SNTG1: variants seen among roughly 807,000 people sequenced by gnomAD.
SNTG1 encodes syntrophin gamma 1.
SNTG1 carries 39 observed loss-of-function variants against 74.7 expected under a neutral mutation model. That is an observed-to-expected ratio of 0.52 (90% confidence interval 0.40 to 0.68). The LOEUF (loss-of-function observed/expected upper bound fraction) is 0.68. Among genes scored for constraint, SNTG1 ranks in the 30% least tolerant of loss-of-function variants. SNTG1 has a pLI of 0.00. For missense variants in SNTG1, 685 were observed against 609.5 expected, an observed-to-expected ratio of 1.12 and a Z score of -1.30; for synonymous variants, 254 against 217.1, an observed-to-expected ratio of 1.17 and a Z score of -1.49.
chr8:50,483,728 C>T (rs769791855), intron 8 of SNTG1, among the ~76,000 whole-genome samples: 13 of 152,096 alleles, frequency 8.5e-5, no homozygotes, highest in Admixed American at 5.2e-4. Flanking sequence ...TGTGATAATA[C>T]GCATAAACAA....
At chr8:50,684,043 A>G (rs2095341924) in intron 15 of SNTG1, among the ~76,000 whole-genome samples, 1 of 152,222 alleles carries the variant, frequency 6.6e-6, no homozygotes, top group South Asian at 2.1e-4. Flanking sequence ...ATTAAAGATT[A>G]AGAACTGTAA....
chr8:50,072,512 C>T (rs1269095887), intron 1 of SNTG1, among the ~76,000 whole-genome samples: 2 of 152,118 alleles, frequency 1.3e-5, no homozygotes, highest in African/African-American at 4.8e-5. Context: ...AATAGAAATC[C>T]AAGCATCTTC....
chr8:49,916,127 C>T (rs1400254836), intron 1 of SNTG1, among the ~76,000 whole-genome samples: 2 of 151,878 alleles, frequency 1.3e-5, no homozygotes, highest in Non-Finnish European at 2.9e-5. Flanking sequence ...TATATAATTG[C>T]ACCAGCGATA....
chr8:50,681,905 C>T (rs2095332391), intron 15 of SNTG1, among the ~76,000 whole-genome samples: 1 of 152,146 alleles, frequency 6.6e-6, no homozygotes, highest in Non-Finnish European at 1.5e-5. Context: ...TCTGCAGACA[C>T]ACACCTCAGT....
intron 17 of SNTG1, among the ~76,000 whole-genome samples, chr8:50,731,382 TA>T (rs1251524371): frequency 2.6e-5 from 4 of 152,128 alleles, no homozygotes; most frequent in Admixed American, 1.3e-4. Flanking sequence ...CAAATTGGCA[TA>T]TTTTTTTGAG....
At chr8:50,322,821 A>G (rs192314519) in intron 2 of SNTG1, among the ~76,000 whole-genome samples, 31 of 152,048 alleles carry the variant, frequency 2.0e-4, no homozygotes, top group Admixed American at 2.0e-3. Flanking sequence ...TCTGCTATTA[A>G]GATACTTTGC....
intron 13 of SNTG1, among the ~76,000 whole-genome samples, chr8:50,636,959 C>T (rs2095043086): frequency 6.6e-6 from 1 of 152,132 alleles, no homozygotes; most frequent in South Asian, 2.1e-4. Context: ...AACTTCCCTC[C>T]ATAGCATAAT....
Position 50,714,286 on chromosome 8 carries a change from T to C in SNTG1, c.1284+5308T>C, listed in dbSNP as rs553610146. 2.0e-5 allele frequency among the ~76,000 whole-genome samples: 3 copies of C among 152,214 alleles called. No homozygotes were observed. The South Asian group carries it at 6.2e-4, about 32-fold the overall frequency. On this transcript the variant is annotated intron_variant, in intron 17 of 18. Coordinates refer to ENST00000642720, the MANE Select transcript of SNTG1 (RefSeq NM_018967.5). ...AGGTAGCACGATGCCTCCAGCTTTG[T>C]TCTTTTTGGTTAGGATTGTCTTGGC...
intron 2 of SNTG1, among the ~76,000 whole-genome samples, chr8:50,296,147 T>C (rs1198208673): frequency 2.0e-5 from 3 of 152,092 alleles, no homozygotes. Flanking sequence ...CACTAGGTAA[T>C]GGAAAGACTG....
At chr8:50,564,172 A>G (rs2094503389) in intron 12 of SNTG1, among the ~76,000 whole-genome samples, 1 of 151,642 alleles carries the variant, frequency 6.6e-6, no homozygotes, top group South Asian at 2.1e-4. Flanking sequence ...TCTCTCTGAC[A>G]TGTCATCCAA....
At chr8:50,070,161 T>C (rs1821240369) in intron 1 of SNTG1, among the ~76,000 whole-genome samples, 2 of 152,150 alleles carry the variant, frequency 1.3e-5, no homozygotes, top group African/African-American at 4.8e-5. Flanking sequence ...TTTATAATAT[T>C]TTGAGAAGAA....
Position 50,752,035 on chromosome 8 carries a change from A to C in SNTG1, c.1319A>C (p.Lys440Thr), listed in dbSNP as rs752964062. ...VLWRYKFSQLKGSSDDGKSKI... is the reference protein window; with the variant it reads ...VLWRYKFSQLTGSSDDGKSKI... ...TGGAGGTATAAATTCTCTCAGCTTA[A>C]AGGTTCTTCAGATGATGGCAAGAGC... is the stretch of plus-strand genomic sequence containing the variant. The change falls in exon 18 of 19, where the codon AAA becomes ACA. Residue 440 changes from lysine (K) to threonine (T), a missense_variant. Lys to Thr is a moderately conservative substitution (Grantham distance 78). Coordinates refer to ENST00000642720, the MANE Select transcript of SNTG1 (RefSeq NM_018967.5). 1.3e-6 allele frequency: 2 copies of C among 1,572,074 alleles called. No individual in the cohort carries two copies. Among genetic ancestry groups the C allele is most frequent in the Non-Finnish European group, 1.7e-6 (2 of 1,163,240 alleles).
At chr8:50,342,870 T>G (rs1389289505) in intron 2 of SNTG1, among the ~76,000 whole-genome samples, 1 of 152,194 alleles carries the variant, frequency 6.6e-6, no homozygotes, top group Non-Finnish European at 1.5e-5. Flanking sequence ...TCATCTGGTC[T>G]AATTCCTTCT....
intron 2 of SNTG1, among the ~76,000 whole-genome samples, chr8:50,197,922 A>G (rs567918814): frequency 1.4e-4 from 21 of 152,242 alleles, no homozygotes; most frequent in Admixed American, 5.2e-4. Flanking sequence ...ATGCAGTTCA[A>G]ACAATACAAT....
intron 15 of SNTG1, among the ~76,000 whole-genome samples, chr8:50,668,615 G>T (rs919798102): frequency 2.0e-5 from 3 of 151,394 alleles, no homozygotes; most frequent in African/African-American, 7.3e-5. Context: ...GTGATTTCCT[G>T]CACCTATCGA....
chr8:50,324,325 C>G (rs2090648875), intron 2 of SNTG1, among the ~76,000 whole-genome samples: 1 of 152,210 alleles, frequency 6.6e-6, no homozygotes, highest in South Asian at 2.1e-4. Context: ...CTCCACAGTG[C>G]ATGGCATTGG....
chr8:50,370,839 G>A (rs1245642477), intron 2 of SNTG1, among the ~76,000 whole-genome samples: 2 of 151,946 alleles, frequency 1.3e-5, no homozygotes, highest in Non-Finnish European at 2.9e-5. Context: ...GAATTCCGAG[G>A]AATATATATG....
chr8:50,510,546 G>T (rs190425416), intron 9 of SNTG1, among the ~76,000 whole-genome samples: 1 of 152,090 alleles, frequency 6.6e-6, no homozygotes, highest in Admixed American at 6.6e-5. Context: ...ATCTGGTCCT[G>T]GACTTTTTTT....
chr8:50,604,979 G>A (rs2094802518), intron 13 of SNTG1, among the ~76,000 whole-genome samples: 1 of 152,072 alleles, frequency 6.6e-6, no homozygotes, highest in Non-Finnish European at 1.5e-5. Context: ...TCCCCAGACT[G>A]GGTCCCTCCC....
Sources: gnomAD v4.1 joint callset for allele counts (sites outside exome capture counted in the v4.1 genomes callset) on GRCh38, gnomAD v4.1.1 for gene constraint, MANE v1.5 for transcripts, NCBI Gene and HGNC (gene_info 2026-07-23, HGNC 2026-07-21) for gene names.